Variants in GPR137B observed in about 807,000 individuals in gnomAD.
GPR137B encodes G protein-coupled receptor 137B.
In GPR137B, 42 loss-of-function variants were observed where a neutral mutation model predicts 42.5. The ratio of observed to expected loss-of-function variants is 0.99; its 90% CI spans 0.77 to 1.28. The LOEUF (loss-of-function observed/expected upper bound fraction) is 1.28, where lower values mean the gene tolerates loss of function less well. GPR137B is among the 50% of genes most tolerant of loss of function. The pLI, the probability that GPR137B is intolerant of heterozygous loss-of-function variation, is 0.00. For missense variants in GPR137B, 487 were observed against 493.9 expected, an observed-to-expected ratio of 0.99 and a Z score of 0.13; for synonymous variants, 218 against 209.7, an observed-to-expected ratio of 1.04 and a Z score of -0.34.
chr1:236,167,760 A>G (rs920510171), intron 1 of GPR137B, among the ~76,000 whole-genome samples: 5 of 152,080 alleles, frequency 3.3e-5, no homozygotes, highest in African/African-American at 1.2e-4. Flanking sequence ...TGAGATCCCC[A>G]TGAGCCTGAG....
intron 5 of GPR137B, among the ~76,000 whole-genome samples, chr1:236,203,223 A>AC (rs1663550282): frequency 6.6e-6 from 1 of 151,962 alleles, no homozygotes; most frequent in Non-Finnish European, 1.5e-5. Context: ...GACTATGGGC[A>AC]CCCCCCATTT....
rs921206765 is a variant in GPR137B, at chr1:236,180,694, G to A, written c.837+666G>A. ...TTGTTGCCCAGGCTGGAGTGCAATG[G>A]CGCGACCTGCCTCCCAGGTTCAAGC... On this transcript the variant is annotated intron_variant, in intron 4 of 6. Coordinates refer to ENST00000366592, the MANE Select transcript of GPR137B (RefSeq NM_003272.4). Among the ~76,000 whole-genome samples, 8 of 150,868 alleles carry A rather than the reference G, an allele frequency of 5.3e-5. No homozygotes were observed. In the South Asian group the frequency reaches 1.7e-3, roughly 32 times the overall value.
In GPR137B at chr1:236,171,435, G is replaced by A. The variant is rs994386894; in HGVS notation, c.464+2680G>A. On this transcript the variant is annotated intron_variant, in intron 2 of 6. Coordinates refer to ENST00000366592, the MANE Select transcript of GPR137B (RefSeq NM_003272.4). The surrounding 1 kb of genome is among the most constrained non-coding windows in gnomAD (Gnocchi z 4.4). ...GATGGGCATAGGAGGAGAACATTCT[G>A]TCTGATCGGACCGTGGAACTGATTT... is the stretch of plus-strand genomic sequence containing the variant. Among the ~76,000 whole-genome samples, 1 of 152,214 alleles carries A rather than the reference G, an allele frequency of 6.6e-6. No individual in the cohort carries two copies. The highest frequency in any genetic ancestry group is 1.9e-4 in the East Asian group (1 of 5,204).
At chr1:236,152,275 A>G (rs1439421370) in intron 1 of GPR137B, among the ~76,000 whole-genome samples, 1 of 151,908 alleles carries the variant, frequency 6.6e-6, no homozygotes, top group Non-Finnish European at 1.5e-5. Context: ...TATCCTGGGC[A>G]ATATAGTGAG....
intron 2 of GPR137B, among the ~76,000 whole-genome samples, chr1:236,169,216 A>AGGTGCAGGTGCAGGTGCAGGTGCAGGTG (rs1208254310): frequency 1.8e-3 from 231 of 131,470 alleles, no homozygotes; most frequent in African/African-American, 8.5e-3. Flanking sequence ...AGGTGCAGGT[A>AGGTGCAGGTGCAGGTGCAGGTGCAGGTG]CAGGTACAGG....
In GPR137B at chr1:236,184,002, C is replaced by T. The variant is rs193025640; in HGVS notation, c.966+96C>T. ...TTTTCTTCATTTTTCAGAAGAGAGC[C>T]TCTTCCTTTTGTGGTGGTATGAAAA... On this transcript the variant is annotated intron_variant, in intron 5 of 6. Coordinates refer to ENST00000366592, the MANE Select transcript of GPR137B (RefSeq NM_003272.4). The T allele has an allele frequency of 9.0e-5, 73 of 808,660 alleles. No individual in the cohort carries two copies. The East Asian group carries it at 1.9e-3, about 21-fold the overall frequency. 50.1% of individuals were successfully genotyped at this position (808,660 alleles called of 1,614,324 possible).
intron 5 of GPR137B, among the ~76,000 whole-genome samples, chr1:236,204,517 T>C (rs1054381385): frequency 2.6e-5 from 4 of 152,148 alleles, no homozygotes; most frequent in African/African-American, 9.7e-5. Context: ...AGTGAAGCCA[T>C]TGGGTCCCAG....
intron 2 of GPR137B, among the ~76,000 whole-genome samples, chr1:236,170,166 G>A (rs1662492912): frequency 2.0e-5 from 3 of 152,018 alleles, no homozygotes; most frequent in Admixed American, 2.0e-4. Flanking sequence ...CTGCCCGGGA[G>A]AACTCCATTG....
rs140263560 is a variant in GPR137B at position 236,186,167 on chromosome 1, C to G, written c.966+2261C>G. 5.5e-3 allele frequency among the ~76,000 whole-genome samples: 712 copies of G among 129,052 alleles called. 7 individuals are homozygous for G. Among genetic ancestry groups the G allele is most frequent in the African/African-American group, 0.019 (612 of 32,974 alleles). 84.7% of individuals were successfully genotyped at this position (129,052 alleles called of 152,430 possible). ...ATGGATAGACCACATTTTGCTTACC[C>G]ATTCATCCATTGATGGACATCATTT... On this transcript the variant is annotated intron_variant, in intron 5 of 6. Coordinates refer to ENST00000366592, the MANE Select transcript of GPR137B (RefSeq NM_003272.4).
intron 5 of GPR137B, among the ~76,000 whole-genome samples, chr1:236,184,893 A>G (rs544355688): frequency 3.9e-4 from 60 of 152,094 alleles, no homozygotes; most frequent in African/African-American, 1.3e-3. Flanking sequence ...CAGCCTCCCA[A>G]GTAGCTGGGA....
chr1:236,142,742 C>G lies in GPR137B; in HGVS notation c.120C>G (p.Tyr40Ter), dbSNP rs1168972011. ...CGCTGACCCCGGCCGTGCCCCCCTA[C>G]GTGAAGCTTGGCCTCACCGTCGTCT... is the stretch of plus-strand genomic sequence containing the variant. ...PPTLTPAVPP[Y>*]VKLGLTVVYT... The change falls in exon 1 of 7, where the codon TAC becomes TAG. Residue 40 changes from tyrosine to a stop codon, truncating the protein, a stop_gained. Coordinates refer to ENST00000366592, the MANE Select transcript of GPR137B (RefSeq NM_003272.4). LOFTEE classifies it high-confidence loss of function. 6.2e-7 allele frequency: 1 copy of G among 1,607,532 alleles called. No homozygotes were observed. The highest frequency in any genetic ancestry group is 8.5e-7 in the Non-Finnish European group (1 of 1,177,982).
chr1:236,176,327 TGGG>T (rs1464228685), intron 2 of GPR137B, among the ~76,000 whole-genome samples: 3 of 151,986 alleles, frequency 2.0e-5, no homozygotes, highest in Non-Finnish European at 1.5e-5. Context: ...ACACAGCTCT[TGGG>T]GGGTGGGGGG....
At chr1:236,154,436 T>C (rs944708168) in intron 1 of GPR137B, among the ~76,000 whole-genome samples, 35 of 152,052 alleles carry the variant, frequency 2.3e-4, no homozygotes, top group Admixed American at 2.2e-3. Context: ...TCAGTATTCC[T>C]GGAGGAACGT....
intron 1 of GPR137B, among the ~76,000 whole-genome samples, chr1:236,152,148 G>A (rs1488794466): frequency 6.6e-6 from 1 of 152,004 alleles, no homozygotes; most frequent in Non-Finnish European, 1.5e-5. Context: ...TTATTCAACA[G>A]GTGTTTTTTT....
rs910674336 is a variant in GPR137B at position 236,171,839 on chromosome 1, G to A, written c.464+3084G>A. ...GCAGGCAGATCACCTGAGATCAGGA[G>A]TTTGAGACCATCCTGGCCAACATGG... On this transcript the variant is annotated intron_variant, in intron 2 of 6. Coordinates refer to ENST00000366592, the MANE Select transcript of GPR137B (RefSeq NM_003272.4). The surrounding 1 kb of genome is among the most constrained non-coding windows in gnomAD (Gnocchi z 4.4). 2.9e-4 allele frequency among the ~76,000 whole-genome samples: 44 copies of A among 152,190 alleles called. No homozygotes were observed. Among genetic ancestry groups the A allele is most frequent in the African/African-American group, 1.0e-3 (43 of 41,452 alleles).
At chr1:236,166,378 T>C (rs998033448) in intron 1 of GPR137B, among the ~76,000 whole-genome samples, 3 of 151,046 alleles carry the variant, frequency 2.0e-5, no homozygotes, top group African/African-American at 7.3e-5. Context: ...TCAGATAAAG[T>C]GGAACCAGGA....
chr1:236,160,948 A>G (rs148112746), intron 1 of GPR137B, among the ~76,000 whole-genome samples: 10 of 151,556 alleles, frequency 6.6e-5, no homozygotes, highest in African/African-American at 2.2e-4. Flanking sequence ...TTATTGAGGT[A>G]TAATTCACAT....
Position 236,155,366 on chromosome 1 carries a change from A to G in GPR137B, c.414+12330A>G, listed in dbSNP as rs1290231233. On this transcript the variant is annotated intron_variant, in intron 1 of 6. Coordinates refer to ENST00000366592, the MANE Select transcript of GPR137B (RefSeq NM_003272.4). The surrounding 1 kb of genome is among the most constrained non-coding windows in gnomAD (Gnocchi z 4.6). ...CACTGAGGCCTAGAAAGGTCGATGG[A>G]GCTAACCAGGAACCAACAAAGTAGG... 1.3e-5 allele frequency among the ~76,000 whole-genome samples: 2 copies of G among 152,218 alleles called. No individual in the cohort carries two copies. The highest frequency in any genetic ancestry group is 2.9e-5 in the Non-Finnish European group (2 of 68,034).
intron 5 of GPR137B, among the ~76,000 whole-genome samples, chr1:236,189,693 CT>C (rs1663133884): frequency 6.6e-6 from 1 of 152,020 alleles, no homozygotes; most frequent in Non-Finnish European, 1.5e-5. Context: ...GTTATGATTT[CT>C]GTTCTTTTGC....
Sources: allele counts gnomAD v4.1 joint callset (sites outside exome capture counted in the v4.1 genomes callset), GRCh38; gene constraint gnomAD v4.1.1; non-coding constraint Gnocchi (gnomAD v3.1); transcripts MANE v1.5; gene names NCBI Gene and HGNC (gene_info 2026-07-23, HGNC 2026-07-21).